The following GRIP1 variants were observed in gnomAD, a reference collection of about 807,000 sequenced individuals.
GRIP1 encodes the protein glutamate receptor interacting protein 1, also known as glutamate receptor-interacting protein 1.
A neutral mutation model predicts 129.9 loss-of-function variants in GRIP1; 45 were observed. That is an observed-to-expected ratio of 0.35 (90% CI 0.27 to 0.44). The LOEUF (loss-of-function observed/expected upper bound fraction) is 0.44, where lower values mean the gene tolerates loss of function less well. Among genes scored for constraint, GRIP1 ranks in the 20% least tolerant of loss-of-function variants. The probability of loss-of-function intolerance (pLI) is 1.00; values close to 1 mark genes in which losing one functional copy is unlikely to be tolerated. For missense variants in GRIP1, 1,196 were observed against 1,396.8 expected (o/e 0.86, Z 2.29); for synonymous variants, 530 against 520.8 (o/e 1.02, Z -0.24).
chr12:66,593,851 G>A (rs1038807308), intron 2 of GRIP1, among the ~76,000 whole-genome samples: 3 of 151,920 alleles, frequency 2.0e-5, no homozygotes, highest in Admixed American at 1.3e-4. Flanking sequence ...GGCGGATCAC[G>A]AGGTCATGAG....
chr12:67,024,447 G>C (rs558246634), intron 1 of GRIP1, among the ~76,000 whole-genome samples: 2 of 152,242 alleles, frequency 1.3e-5, no homozygotes, highest in South Asian at 4.1e-4. Context: ...GAAAGTGAAG[G>C]AGAAAGAGGG....
Position 66,965,549 on chromosome 12 carries a change from T to TTGTGTGTGTGTGTG in GRIP1, c.58+103487_58+103500dup, listed in dbSNP as rs368637185. ...TTCTTAGGCTACTGGAAAAGAAACATTGTGTGTGTGTGTGTGTGTGTGTGT... is the reference window on the plus strand; with the variant it reads ...TTCTTAGGCTACTGGAAAAGAAACATTGTGTGTGTGTGTGTGTGTGTGTGTGTGTGTGTGTGTGT... On this transcript the variant is annotated intron_variant, in intron 1 of 1. Coordinates refer to the GRIP1 transcript ENST00000643019. Among the ~76,000 whole-genome samples the TTGTGTGTGTGTGTG allele has an allele frequency of 4.1e-3, 526 of 128,310 alleles. 8 individuals are homozygous for TTGTGTGTGTGTGTG. The highest frequency in any genetic ancestry group is 0.014 in the East Asian group (52 of 3,688). 84.2% of individuals were successfully genotyped at this position (128,310 alleles called of 152,430 possible). A position where few individuals can be genotyped will look rare whatever the true frequency, so the allele number is the denominator to read the frequency against.
chr12:66,680,538 A>T (rs1721023896), upstream of GRIP1, among the ~76,000 whole-genome samples: 1 of 152,086 alleles, frequency 6.6e-6, no homozygotes, highest in South Asian at 2.1e-4. Context: ...AAATTTTTAT[A>T]ATTGTTCTGA....
At chr12:66,419,535 G>A (rs2057729696) in intron 15 of GRIP1, among the ~76,000 whole-genome samples, 1 of 152,164 alleles carries the variant, frequency 6.6e-6, no homozygotes, top group Non-Finnish European at 1.5e-5. Context: ...TGCATTGCAT[G>A]CCTTATCAAA....
intron 1 of GRIP1, among the ~76,000 whole-genome samples, chr12:66,684,201 AC>A (rs1356188667): frequency 6.6e-6 from 1 of 152,170 alleles, no homozygotes. Flanking sequence ...TGCTTACAGA[AC>A]CCAGACTCTT....
At chr12:66,553,589 G>A (rs1398487820) in intron 2 of GRIP1, among the ~76,000 whole-genome samples, 4 of 127,472 alleles carry the variant, frequency 3.1e-5, no homozygotes, top group Admixed American at 1.6e-4. Flanking sequence ...AAGCACCTTC[G>A]TAGGAACCAA....
rs71436010 is a variant in GRIP1 at position 66,533,887 on chromosome 12, A to ACTCTCTCT, written c.419-3981_419-3974dup. Among the ~76,000 whole-genome samples, 205 of 148,028 alleles carry ACTCTCTCT rather than the reference A, an allele frequency of 1.4e-3. 1 individual carries two copies. The Middle Eastern group carries it at 0.017, about 12-fold the overall frequency. ...CTCACACACACACACACATACACAC[A>ACTCTCTCT]CTCTCTCTCTCTCTCTCTTTTCTGA... On this transcript the variant is annotated intron_variant, in intron 4 of 24. Transcript: ENST00000359742.
chr12:66,457,642 T>G (rs1340985373), intron 9 of GRIP1, among the ~76,000 whole-genome samples: 1 of 152,192 alleles, frequency 6.6e-6, no homozygotes, highest in Non-Finnish European at 1.5e-5. Context: ...GGTGAAATAC[T>G]CTATGCATTG....
chr12:66,569,986 G>A (rs1201207046), intron 2 of GRIP1, among the ~76,000 whole-genome samples: 1 of 152,054 alleles, frequency 6.6e-6, no homozygotes, highest in African/African-American at 2.4e-5. Flanking sequence ...CCAAGTAAGT[G>A]CATGCACAGG....
intron 1 of GRIP1, among the ~76,000 whole-genome samples, chr12:66,893,690 C>T (rs138683190): frequency 6.6e-6 from 1 of 152,158 alleles, no homozygotes; most frequent in East Asian, 1.9e-4. Flanking sequence ...AGATTTTGTG[C>T]AAACATACAT....
rs2031006603 is a variant in GRIP1 at position 66,633,247 on chromosome 12, T to C, written c.56-36320A>G. Among the ~76,000 whole-genome samples, 2 of 147,112 alleles carry C rather than the reference T, an allele frequency of 1.4e-5. 1 individual carries two copies. Among genetic ancestry groups the C allele is most frequent in the South Asian group, 4.2e-4 (2 of 4,768 alleles). ...TATATATATGAGTATTTTATATGTA[T>C]TATATATAATATATATAAAAATATA... On this transcript the variant is annotated intron_variant, in intron 1 of 24. Transcript: ENST00000359742.
At chr12:66,996,622 G>A (rs548306752) in intron 1 of GRIP1, among the ~76,000 whole-genome samples, 36 of 152,176 alleles carry the variant, frequency 2.4e-4, no homozygotes, top group African/African-American at 8.4e-4. Context: ...AAACCACAGG[G>A]GTAAAAATGG....
intron 1 of GRIP1, among the ~76,000 whole-genome samples, chr12:66,960,852 AAACGCGAGCTTTTAGG>A (rs1283543493): frequency 6.6e-6 from 1 of 152,108 alleles, no homozygotes; most frequent in East Asian, 1.9e-4. Context: ...ACTGCAAATG[AAACGCGAGCTTTTAGG>A]AACTTCACCT....
chr12:66,989,472 C>T (rs1280004602), intron 1 of GRIP1, among the ~76,000 whole-genome samples: 8 of 152,118 alleles, frequency 5.3e-5, no homozygotes, highest in Admixed American at 1.3e-4. Flanking sequence ...GGGGGCGTCT[C>T]GTCTGTGCCT....
chr12:66,933,179 C>T (rs867690497), intron 1 of GRIP1, among the ~76,000 whole-genome samples: 1 of 152,176 alleles, frequency 6.6e-6, no homozygotes, highest in African/African-American at 2.4e-5. Flanking sequence ...TTCTTGAATA[C>T]AGTCAACACA....
chr12:66,986,949 C>T (rs1037374817), intron 1 of GRIP1, among the ~76,000 whole-genome samples: 1 of 151,956 alleles, frequency 6.6e-6, no homozygotes, highest in Non-Finnish European at 1.5e-5. Context: ...TCAGAGACAT[C>T]ATATAAATCT....
intron 2 of GRIP1, among the ~76,000 whole-genome samples, chr12:66,551,335 G>C (rs1356227889): frequency 6.6e-6 from 1 of 152,206 alleles, no homozygotes; most frequent in Non-Finnish European, 1.5e-5. Context: ...GAGCCTGAAA[G>C]GGAATAACAG....
chr12:67,034,363 C>T (rs1035621978), intron 1 of GRIP1, among the ~76,000 whole-genome samples: 2 of 152,116 alleles, frequency 1.3e-5, no homozygotes, highest in African/African-American at 4.8e-5. Context: ...CTACGAAATG[C>T]ATTGTTGTGC....
chr12:66,853,626 A>G (rs1429975327), intron 1 of GRIP1, among the ~76,000 whole-genome samples: 3 of 152,084 alleles, frequency 2.0e-5, no homozygotes, highest in Non-Finnish European at 1.5e-5. Context: ...TTATAAAGAT[A>G]TAAGATTTTG....
Sources: allele counts gnomAD v4.1 joint callset (sites outside exome capture counted in the v4.1 genomes callset), GRCh38; gene constraint gnomAD v4.1.1; transcripts MANE v1.5; gene names NCBI Gene and HGNC (gene_info 2026-07-23, HGNC 2026-07-21).